The following TMEM217B variants were observed in gnomAD, a reference collection of about 807,000 sequenced individuals.
The protein encoded by TMEM217B is transmembrane protein 217B, also known as putative transmembrane protein 217B.
At chr6:37,212,977 T>G in the TMEM217B span, 2 of 1,544,088 alleles carry the variant, frequency 1.3e-6, no homozygotes, top group African/African-American at 2.7e-5. Flanking sequence ...CATTTTATAC[T>G]TGTTTTACCA....
the TMEM217B span, among the ~76,000 whole-genome samples, chr6:37,223,570 G>A: frequency 1.3e-5 from 2 of 152,250 alleles, no homozygotes; most frequent in Non-Finnish European, 2.9e-5. Flanking sequence ...GTACAGTGGC[G>A]TGATCTCAGT....
At chr6:37,255,713 G>T in the TMEM217B span, among the ~76,000 whole-genome samples, 1 of 151,870 alleles carries the variant, frequency 6.6e-6, no homozygotes, top group Admixed American at 6.6e-5. Flanking sequence ...TCTCTGGTTG[G>T]TATATGGGGA....
At chr6:37,215,123 C>T in the TMEM217B span, 3 of 1,588,512 alleles carry the variant, frequency 1.9e-6, no homozygotes, top group Non-Finnish European at 2.6e-6. Context: ...TCTTGGGTCA[C>T]TATAATAATG....
At chr6:37,216,379 C>G in the TMEM217B span, among the ~76,000 whole-genome samples, 1 of 152,014 alleles carries the variant, frequency 6.6e-6, no homozygotes, top group Admixed American at 6.6e-5. Flanking sequence ...GCGCCTGGCC[C>G]GATTTGCATT....
chr6:37,218,649 G>A, the TMEM217B span: 12 of 1,613,990 alleles, frequency 7.4e-6, no homozygotes, highest in Non-Finnish European at 9.3e-6. Flanking sequence ...CCAAACCAGC[G>A]CATGATTCTG....
the TMEM217B span, among the ~76,000 whole-genome samples, chr6:37,226,498 C>T: frequency 1.8e-4 from 27 of 151,324 alleles, no homozygotes; most frequent in East Asian, 4.9e-3. Context: ...GGGGTTTCAC[C>T]GTGTTAGCCA....
At chr6:37,212,356 G>A in the TMEM217B span, 694 of 367,364 alleles carry the variant, frequency 1.9e-3, 1 homozygote, top group African/African-American at 0.014. Context: ...GCAGGGTAGG[G>A]AGGGTTCCAT....
At chr6:37,256,519 A>C in the TMEM217B span, among the ~76,000 whole-genome samples, 1 of 152,238 alleles carries the variant, frequency 6.6e-6, no homozygotes, top group African/African-American at 2.4e-5. Flanking sequence ...AAAGAAGATA[A>C]GATGCTTTTA....
the TMEM217B span, among the ~76,000 whole-genome samples, chr6:37,222,110 C>A: frequency 2.0e-5 from 3 of 152,214 alleles, no homozygotes; most frequent in Non-Finnish European, 4.4e-5. Flanking sequence ...CTGGCTAAGC[C>A]CAGGTCTTTT....
At chr6:37,234,666 G>A in the TMEM217B span, among the ~76,000 whole-genome samples, 7 of 152,078 alleles carry the variant, frequency 4.6e-5, no homozygotes, top group Non-Finnish European at 8.8e-5. Flanking sequence ...AACCTAGGAG[G>A]CAGAGGTTGC....
the TMEM217B span, among the ~76,000 whole-genome samples, chr6:37,230,857 A>G: frequency 6.6e-6 from 1 of 152,166 alleles, no homozygotes; most frequent in Non-Finnish European, 1.5e-5. Context: ...GTTGTCTTAT[A>G]AAAATTAAGT....
chr6:37,248,458 C>T, the TMEM217B span, among the ~76,000 whole-genome samples: 1 of 152,158 alleles, frequency 6.6e-6, no homozygotes, highest in Admixed American at 6.5e-5. Context: ...TCCCTTCACT[C>T]ACCCAATACC....
chr6:37,242,572 C>T, the TMEM217B span, among the ~76,000 whole-genome samples: 1 of 152,154 alleles, frequency 6.6e-6, no homozygotes. Flanking sequence ...GGAAACCAGC[C>T]CCAGCTTGGA....
the TMEM217B span, chr6:37,257,858 G>A: frequency 6.3e-7 from 1 of 1,578,872 alleles, no homozygotes; most frequent in Non-Finnish European, 8.6e-7. Flanking sequence ...TGCGGGGTCT[G>A]GGGGCATCTC....
chr6:37,246,796 A>G, the TMEM217B span, among the ~76,000 whole-genome samples: 199 of 152,074 alleles, frequency 1.3e-3, no homozygotes, highest in African/African-American at 4.6e-3. Flanking sequence ...CCAGCTATTC[A>G]GGAGGTTCAG....
the TMEM217B span, among the ~76,000 whole-genome samples, chr6:37,217,390 A>G: frequency 2.6e-5 from 4 of 152,220 alleles, no homozygotes; most frequent in Non-Finnish European, 5.9e-5. Flanking sequence ...GTCTTATATG[A>G]TTGGCTAATT....
chr6:37,241,236 C>T, the TMEM217B span, among the ~76,000 whole-genome samples: 1 of 151,904 alleles, frequency 6.6e-6, no homozygotes, highest in East Asian at 1.9e-4. Flanking sequence ...TGCGTGACAC[C>T]ATACCTGGTT....
At chr6:37,252,405 T>C in the TMEM217B span, among the ~76,000 whole-genome samples, 2 of 151,866 alleles carry the variant, frequency 1.3e-5, no homozygotes, top group Non-Finnish European at 2.9e-5. Context: ...CCTAAAAATA[T>C]CTACAATCCT....
chr6:37,237,132 A>G, the TMEM217B span, among the ~76,000 whole-genome samples: 1 of 152,222 alleles, frequency 6.6e-6, no homozygotes, highest in African/African-American at 2.4e-5. Context: ...CACCAAGGCC[A>G]TATTCAAGGG....
Sources: allele counts gnomAD v4.1 joint callset (sites outside exome capture counted in the v4.1 genomes callset), GRCh38; gene constraint gnomAD v4.1.1; transcripts MANE v1.5; gene names NCBI Gene and HGNC (gene_info 2026-07-23, HGNC 2026-07-21).